Variants in ZNF700 observed in about 807,000 individuals in gnomAD.
The protein encoded by ZNF700 is zinc finger protein 700.
ZNF700 carries 38 observed loss-of-function variants against 65.3 expected under a neutral mutation model. That is an observed-to-expected ratio of 0.58 (90% CI 0.45 to 0.76). The LOEUF (loss-of-function observed/expected upper bound fraction) is 0.76. ZNF700 is among the 30% of genes least tolerant of loss of function. ZNF700 has a pLI of 0.00. For synonymous variants in ZNF700, 285 were observed against 290.4 expected (o/e 0.98, Z 0.19); for missense variants, 857 against 888.4 (o/e 0.96, Z 0.45).
chr19:11,929,444 T>A (rs1385130044), intron 1 of ZNF700, among the ~76,000 whole-genome samples: 3 of 148,498 alleles, frequency 2.0e-5, no homozygotes, highest in Non-Finnish European at 4.4e-5. Context: ...ATTACGGGTG[T>A]GAACCACTGC....
At position 11,949,849 on chromosome 19, in the gene ZNF700, A is replaced by G. The variant is rs1385886338; in HGVS notation, c.1825A>G (p.Lys609Glu). ...KAFSCASNLR[K>E]HGRTHTGEKP... ...CTTCAGTTGTGCCTCAAACCTTCGA[A>G]AGCATGGTAGGACTCACACTGGAGA... is the stretch of plus-strand genomic sequence containing the variant. The change falls in exon 4 of 4, where the codon AAG becomes GAG. Residue 609 changes from lysine to glutamate, a missense_variant. Coordinates refer to ENST00000254321, the MANE Select transcript of ZNF700 (RefSeq NM_144566.3). The G allele has an allele frequency of 2.5e-6, 4 of 1,610,582 alleles. No individual in the cohort carries two copies. The highest frequency in any genetic ancestry group is 3.4e-6 in the Non-Finnish European group (4 of 1,178,852).
At chr19:11,929,356 G>A (rs1972681267) in intron 1 of ZNF700, among the ~76,000 whole-genome samples, 1 of 147,984 alleles carries the variant, frequency 6.8e-6, no homozygotes, top group African/African-American at 2.6e-5. Flanking sequence ...TAAAGACAGG[G>A]TTTTACCACA....
At chr19:11,928,954 TG>T (rs1041300899) in intron 1 of ZNF700, among the ~76,000 whole-genome samples, 3 of 146,852 alleles carry the variant, frequency 2.0e-5, no homozygotes, top group African/African-American at 8.1e-5. Flanking sequence ...AAAAAAATAG[TG>T]GAGAGGGAAA....
rs753607044 is a variant in ZNF700 at position 11,948,592 on chromosome 19, G to T, written c.568G>T (p.Gly190Ter). ...SIRTQERDHT[G>*]EKPYACKVCG... ...TAGAACACAAGAAAGGGATCACACT[G>T]GAGAGAAACCCTATGCTTGTAAAGT... Residue 190 changes from glycine (G) to a stop codon, truncating the protein, a stop_gained, in exon 4 of 4, where the codon GGA (glycine) becomes TGA (stop). Transcript: ENST00000254321. LOFTEE classifies it high-confidence loss of function. 1 of 1,607,990 alleles carries T rather than the reference G, an allele frequency of 6.2e-7. No individual in the cohort carries two copies. The highest frequency in any genetic ancestry group is 8.5e-7 in the Non-Finnish European group (1 of 1,178,768).
At chr19:11,940,576 T>TA (rs1330469122) in intron 1 of ZNF700, among the ~76,000 whole-genome samples, 1 of 152,140 alleles carries the variant, frequency 6.6e-6, no homozygotes, top group African/African-American at 2.4e-5. Context: ...TGGTGAGTGT[T>TA]ACAGCTCATA....
chr19:11,945,756 G>A (rs1332107556), intron 1 of ZNF700, among the ~76,000 whole-genome samples: 1 of 151,928 alleles, frequency 6.6e-6, no homozygotes, highest in East Asian at 1.9e-4. Flanking sequence ...TCCCTTTCCG[G>A]GTAACTTTAG....
chr19:11,925,790 TAAA>T (rs1293847783), intron 1 of ZNF700, among the ~76,000 whole-genome samples: 1 of 152,022 alleles, frequency 6.6e-6, no homozygotes, highest in Non-Finnish European at 1.5e-5. Flanking sequence ...CTATGTAAAA[TAAA>T]GAAGTTTATT....
intron 1 of ZNF700, among the ~76,000 whole-genome samples, chr19:11,930,018 C>G (rs1053696878): frequency 1.4e-5 from 2 of 147,906 alleles, no homozygotes; most frequent in African/African-American, 5.3e-5. Flanking sequence ...TGTAGCTGAC[C>G]CAAGACCCCC....
chr19:11,950,310 C>T lies in ZNF700; in HGVS notation c.*57C>T. ...ACACTGGAAGGAAGCACTATGAATG[C>T]AAGCAATGTGGCAAAACTTTCACAT... is the stretch of plus-strand genomic sequence containing the variant. On this transcript the variant is annotated 3_prime_UTR_variant, in exon 4 of 4. Coordinates refer to ENST00000254321, the MANE Select transcript of ZNF700 (RefSeq NM_144566.3). The T allele has an allele frequency of 1.3e-6, 2 of 1,539,828 alleles. No individual in the cohort carries two copies. The highest frequency in any genetic ancestry group is 2.1e-5 in the Admixed American group (1 of 48,040).
At position 11,950,535 on chromosome 19, in the gene ZNF700, T is replaced by G; in HGVS notation, c.*282T>G. 1 of 603,418 alleles carries G rather than the reference T, an allele frequency of 1.7e-6. No individual in the cohort carries two copies. The allele number at this position is 603,418 out of a possible 1,614,324, so 37.4% of individuals were successfully genotyped here. On this transcript the variant is annotated 3_prime_UTR_variant, in exon 4 of 4. Transcript: ENST00000254321. ...TTACACTGGAGTGAAACCCTATGAA[T>G]GTAAGCAATGTGGGAAAGCCTTCAG...
chr19:11,947,706 A>G, intron 3 of ZNF700, 132 bp downstream of exon 3: 3 of 967,196 alleles, frequency 3.1e-6, no homozygotes, highest in Middle Eastern at 2.2e-4. Flanking sequence ...TTTTCTCAAA[A>G]AACATATATT....
Position 11,950,194 on chromosome 19 carries a change from A to G in ZNF700, c.2170A>G (p.Arg724Gly), listed in dbSNP as rs1311705444. Residue 724 changes from arginine to glycine, a missense_variant, in exon 4 of 4, where the codon AGG (arginine) becomes GGG (glycine). Coordinates refer to ENST00000254321, the MANE Select transcript of ZNF700 (RefSeq NM_144566.3). ...TTTTTCTTCCTTGCATATACACGCAAGGACTCATATGGGAGAGAAGCCATA... is the reference window on the plus strand; with the variant it reads ...TTTTTCTTCCTTGCATATACACGCAGGGACTCATATGGGAGAGAAGCCATA... The part of the protein sequence containing the change: ...NYFSSLHIHA[R>G]THMGEKPYEC... 6.8e-6 allele frequency: 11 copies of G among 1,613,884 alleles called. No homozygotes were observed. Among genetic ancestry groups the G allele is most frequent in the South Asian group, 6.6e-5 (6 of 91,034 alleles).
intron 1 of ZNF700, among the ~76,000 whole-genome samples, chr19:11,937,007 G>T (rs1200007330): frequency 6.6e-6 from 1 of 152,140 alleles, no homozygotes; most frequent in Non-Finnish European, 1.5e-5. Flanking sequence ...TATATGTGTG[G>T]TGTTATTTCT....
Position 11,932,729 on chromosome 19 carries a change from C to G in ZNF700, c.63+7456C>G, listed in dbSNP as rs374010717. Among the ~76,000 whole-genome samples the G allele has an allele frequency of 2.2e-3, 319 of 145,982 alleles. 46 individuals are homozygous for G. Among genetic ancestry groups the G allele is most frequent in the African/African-American group, 8.2e-3 (298 of 36,350 alleles). On this transcript the variant is annotated intron_variant, in intron 1 of 3. Transcript: ENST00000254321. ...CTCGGCTCACTGCAAGCTCCGCCTC[C>G]CGGGTTCACGCCATTCTCCTGTCTC...
chr19:11,939,139 T>C (rs1183370770), intron 1 of ZNF700, among the ~76,000 whole-genome samples: 1 of 152,246 alleles, frequency 6.6e-6, no homozygotes, highest in Admixed American at 6.5e-5. Flanking sequence ...CTTTGTCAGA[T>C]GGGTAGATTG....
intron 1 of ZNF700, among the ~76,000 whole-genome samples, chr19:11,939,310 G>A (rs185541570): frequency 4.3e-4 from 65 of 152,308 alleles, no homozygotes; most frequent in Non-Finnish European, 4.3e-4. Context: ...CCATGCCTAT[G>A]TCTGAATGGT....
rs748653121 is a variant in ZNF700 at position 11,949,555 on chromosome 19, A to G, written c.1531A>G (p.Ser511Gly). The change falls in exon 4 of 4, where the codon AGT becomes GGT. Residue 511 changes from serine to glycine, a missense_variant. This residue lies in a region of ZNF700 where 603 missense variants were observed against 619.9 expected (regional missense o/e 0.97). Transcript: ENST00000254321. Reference sequence around the variant, plus strand: ...CTCTGGAGAAAGACCTTATAAATGTAGTATATGTGAGAAAGGCTTTTATTC... The same window carrying G: ...CTCTGGAGAAAGACCTTATAAATGTGGTATATGTGAGAAAGGCTTTTATTC... ...MPSGERPYKCSICEKGFYSAK... is the reference protein window; with the variant it reads ...MPSGERPYKCGICEKGFYSAK... 3.7e-6 allele frequency: 6 copies of G among 1,611,484 alleles called. No individual in the cohort carries two copies. The Admixed American group carries it at 1.0e-4, about 27-fold the overall frequency.
At chr19:11,945,241 C>G (rs1258549987) in intron 1 of ZNF700, among the ~76,000 whole-genome samples, 1 of 152,176 alleles carries the variant, frequency 6.6e-6, no homozygotes, top group East Asian at 1.9e-4. Context: ...TTTGTGACCC[C>G]ATATAGAGGT....
intron 1 of ZNF700, among the ~76,000 whole-genome samples, chr19:11,931,277 A>G (rs977521155): frequency 1.1e-4 from 16 of 147,918 alleles, no homozygotes; most frequent in South Asian, 2.1e-4. Flanking sequence ...GTGTCCAGCA[A>G]GGGCCCGCTT....
Sources: gnomAD v4.1 joint callset for allele counts (sites outside exome capture counted in the v4.1 genomes callset) on GRCh38, gnomAD v4.1.1 for gene constraint, gnomAD v4.1.1 regional missense constraint, MANE v1.5 for transcripts, NCBI Gene and HGNC (gene_info 2026-07-23, HGNC 2026-07-21) for gene names.